The following CEP152 variants were observed in gnomAD, a reference collection of about 807,000 sequenced individuals.
The protein encoded by CEP152 is centrosomal protein 152, also known as centrosomal protein of 152 kDa.
In CEP152, 132 loss-of-function variants were observed where a neutral mutation model predicts 188.9. That is an observed-to-expected ratio of 0.70 (90% CI 0.61 to 0.81). The LOEUF is 0.81. Among genes scored for constraint, CEP152 ranks in the 30% least tolerant of loss-of-function variants. The pLI, the probability that CEP152 is intolerant of heterozygous loss-of-function variation, is 0.00. For missense variants in CEP152, 1,914 were observed against 1,969.8 expected, an observed-to-expected ratio of 0.97 and a Z score of 0.54; for synonymous variants, 649 against 666.6, an observed-to-expected ratio of 0.97 and a Z score of 0.41.
intron 20 of CEP152, among the ~76,000 whole-genome samples, chr15:48,755,546 C>T (rs560609799): frequency 1.5e-4 from 23 of 152,166 alleles, no homozygotes; most frequent in Admixed American, 9.8e-4. Flanking sequence ...ATGTGCTGAA[C>T]GTGAAGGTTT....
Position 48,738,062 on chromosome 15 carries a change from C to G in CEP152, c.*187G>C. 1 of 648,766 alleles carries G rather than the reference C, an allele frequency of 1.5e-6. No individual in the cohort carries two copies. The highest frequency in any genetic ancestry group is 2.5e-6 in the Non-Finnish European group (1 of 393,502). 40.2% of individuals were successfully genotyped at this position (648,766 alleles called of 1,614,324 possible). The stretch of plus-strand genomic sequence containing the variant: ...ACACAAAAGCAGATTATACATACAC[C>G]ATCAGGCCTTTGGAATATTAAGGCA... On this transcript the variant is annotated 3_prime_UTR_variant, in exon 27 of 27. Coordinates refer to ENST00000380950, the MANE Select transcript of CEP152 (RefSeq NM_001194998.2).
rs988458477 is a variant in CEP152, at chr15:48,768,253, C to G, written c.1984G>C (p.Asp662His). ...LCNQMRQMVQDFDHDKQEAVD... is the reference protein window; with the variant it reads ...LCNQMRQMVQHFDHDKQEAVD... ...GCTTCTTGTTTGTCATGGTCAAAATCTTGTACCATTTGTCTCATTTGATTA... is the reference window on the plus strand; with the variant it reads ...GCTTCTTGTTTGTCATGGTCAAAATGTTGTACCATTTGTCTCATTTGATTA... Residue 662 changes from aspartate to histidine, a missense_variant, in exon 15 of 27, where the codon GAT becomes CAT. Coordinates refer to ENST00000380950, the MANE Select transcript of CEP152 (RefSeq NM_001194998.2). The G allele has an allele frequency of 6.2e-7, 1 of 1,612,214 alleles. No individual in the cohort carries two copies. The highest frequency in any genetic ancestry group is 1.7e-5 in the Admixed American group (1 of 60,016).
chr15:48,798,072 C>T, intron 2 of CEP152, 21 bp from the exon 3 acceptor site: 1 of 1,592,192 alleles, frequency 6.3e-7, no homozygotes, highest in Non-Finnish European at 8.6e-7. Context: ...AGGTCTGCAT[C>T]AATATCATAC....
intron 2 of CEP152, among the ~76,000 whole-genome samples, chr15:48,730,020 A>T (rs1454093263): frequency 6.6e-6 from 1 of 152,074 alleles, no homozygotes; most frequent in Non-Finnish European, 1.5e-5. Context: ...AATTACTACA[A>T]AACTGAAAAA....
intron 9 of CEP152, among the ~76,000 whole-genome samples, chr15:48,784,785 T>C (rs942687185): frequency 1.3e-5 from 2 of 152,006 alleles, no homozygotes; most frequent in African/African-American, 4.8e-5. Flanking sequence ...CAAAGAAAAA[T>C]AGGGTAAATG....
chr15:48,809,177 T>C (rs1284632507), intron 1 of CEP152, among the ~76,000 whole-genome samples: 1 of 152,222 alleles, frequency 6.6e-6, no homozygotes, highest in African/African-American at 2.4e-5. Context: ...AGAATTAAAA[T>C]GTATCTGCCT....
chr15:48,807,482 G>A (rs1331281886), intron 1 of CEP152, among the ~76,000 whole-genome samples: 1 of 151,564 alleles, frequency 6.6e-6, no homozygotes, highest in Non-Finnish European at 1.5e-5. Flanking sequence ...GTGAACCCGG[G>A]AAGCGGAGCT....
At position 48,777,198 on chromosome 15, in the gene CEP152, T is replaced by C. The variant is rs150063395; in HGVS notation, c.1577+3998A>G. ...TAAATAAAAACCAAGGGCATGTAAA[T>C]AAACCCTGGATGTTAATTAATAATA... On this transcript the variant is annotated intron_variant, in intron 12 of 26. Coordinates refer to ENST00000380950, the MANE Select transcript of CEP152 (RefSeq NM_001194998.2). 3.3e-3 allele frequency among the ~76,000 whole-genome samples: 498 copies of C among 152,082 alleles called. 8 individuals are homozygous for C. The highest frequency in any genetic ancestry group is 0.03 in the Admixed American group (456 of 15,264).
Position 48,791,308 on chromosome 15 carries a change from C to G in CEP152, c.901G>C (p.Glu301Gln). The G allele has an allele frequency of 6.2e-7, 1 of 1,613,048 alleles. No homozygotes were observed. The highest frequency in any genetic ancestry group is 8.5e-7 in the Non-Finnish European group (1 of 1,179,756). The change falls in exon 8 of 27, where the codon GAG becomes CAG. Residue 301 changes from glutamate (E) to glutamine (Q), a missense_variant. Physicochemically the swap from Glu to Gln is conservative, Grantham distance 29 (BLOSUM62 2). Transcript: ENST00000380950. ...QKLFQNGKEREIQLEAQIKAL... is the reference protein window; with the variant it reads ...QKLFQNGKERQIQLEAQIKAL... ...TTTATTTGAGCTTCAAGCTGTATCTCTCTTTCTTTTCCATTCTGAAAGAGT... is the reference window on the plus strand; with the variant it reads ...TTTATTTGAGCTTCAAGCTGTATCTGTCTTTCTTTTCCATTCTGAAAGAGT...
At chr15:48,798,321 T>C (rs1897456053) in intron 2 of CEP152, among the ~76,000 whole-genome samples, 2 of 152,124 alleles carry the variant, frequency 1.3e-5, no homozygotes, top group Non-Finnish European at 2.9e-5. Context: ...ATTCAAAAAC[T>C]TTTTTATGGA....
chr15:48,753,011 G>C (rs1390165000), intron 20 of CEP152, among the ~76,000 whole-genome samples: 1 of 152,146 alleles, frequency 6.6e-6, no homozygotes, highest in African/African-American at 2.4e-5. Flanking sequence ...CCAAAGTTAA[G>C]GACAGAAACT....
Position 48,768,966 on chromosome 15 carries a change from T to G in CEP152, c.1898A>C (p.Gln633Pro). The change falls in exon 14 of 27, where the codon CAA becomes CCA. Residue 633 changes from glutamine (Q) to proline (P), a missense_variant. Transcript: ENST00000380950. ...AATATTTTTAATCACCTGATTTTGT[T>G]GTTGTAAAACTTGAATTTCATTTTT... Reference protein sequence around the residue: ...LLKNEIQVLQQQNQELKETEG... With the variant: ...LLKNEIQVLQPQNQELKETEG... 1 of 1,540,198 alleles carries G rather than the reference T, an allele frequency of 6.5e-7. No homozygotes were observed. The highest frequency in any genetic ancestry group is 8.9e-7 in the Non-Finnish European group (1 of 1,120,338).
At chr15:48,783,096 T>C (rs1405820993) in intron 10 of CEP152, 1 of 152,208 alleles carries the variant, frequency 6.6e-6, no homozygotes, top group East Asian at 1.9e-4. Context: ...AAGTGTGACT[T>C]TCATATATCA....
chr15:48,798,099 C>A (rs1426221217), intron 2 of CEP152, 48 bp from the exon 3 acceptor site: 7 of 1,495,452 alleles, frequency 4.7e-6, no homozygotes, highest in Non-Finnish European at 5.6e-6. Context: ...AAACACAAGA[C>A]ACCAAGCCAA....
chr15:48,738,403 G>A lies in CEP152; in HGVS notation c.4979C>T (p.Ser1660Phe). Residue 1660 changes from serine to phenylalanine, a missense_variant, in exon 27 of 27, where the codon TCT (serine) becomes TTT (phenylalanine). Physicochemically the swap from Ser to Phe is radical, Grantham distance 155. Transcript: ENST00000380950. Reference sequence around the variant, plus strand: ...CTTTAATCTATCAGCCTTATGACGAGATGGGTGTCCACAATTCACACTGAT... The same window carrying A: ...CTTTAATCTATCAGCCTTATGACGAAATGGGTGTCCACAATTCACACTGAT... ...GKISVNCGHP[S>F]RHKADRLKSD... 3.1e-6 allele frequency: 5 copies of A among 1,614,184 alleles called. No homozygotes were observed. The highest frequency in any genetic ancestry group is 4.2e-6 in the Non-Finnish European group (5 of 1,180,020).
chr15:48,738,094 A>G lies in CEP152; in HGVS notation c.*155T>C. The G allele has an allele frequency of 1.2e-6, 1 of 823,184 alleles. No individual in the cohort carries two copies. The highest frequency in any genetic ancestry group is 1.8e-6 in the Non-Finnish European group (1 of 544,902). 51.0% of individuals were successfully genotyped at this position (823,184 alleles called of 1,614,324 possible). A position where few individuals can be genotyped will look rare whatever the true frequency, so the allele number is the denominator to read the frequency against. ...CCTTTGGAATATTAAGGCAACATAA[A>G]TATCTCAAGCAATTTTAGAAGAATG... On this transcript the variant is annotated 3_prime_UTR_variant, in exon 27 of 27. Transcript: ENST00000380950.
Position 48,756,224 on chromosome 15 carries a change from T to C in CEP152, c.3024A>G (p.Leu1008=), listed in dbSNP as rs1319794674. 6 of 1,611,180 alleles carry C rather than the reference T, an allele frequency of 3.7e-6. No homozygotes were observed. Among genetic ancestry groups the C allele is most frequent in the South Asian group, 3.3e-5 (3 of 90,530 alleles). ...KEDFMKQKTE[L]LLQKETELQT... is the part of the protein sequence containing the mutation. The stretch of plus-strand genomic sequence containing the variant: ...GTAATTCTGTCTCCTTCTGAAGAAG[T>C]AGTTCAGTTTTTTGTTTCATAAAGT... Residue 1008 remains leucine (L), a synonymous_variant, in exon 20 of 27, where the codon CTA becomes CTG. Transcript: ENST00000380950.
At position 48,738,310 on chromosome 15, in the gene CEP152, A is replaced by C; in HGVS notation, c.5072T>G (p.Ile1691Ser). ...SVCQQPSRKL[I>S]VPLSSQQDSG... ...ATCTTGTTGGCTAGATAGCGGAACA[A>C]TTAATTTTCTTGAAGGCTGCTGACA... The change falls in exon 27 of 27, where the codon ATT becomes AGT. Residue 1691 changes from isoleucine to serine, a missense_variant. Transcript: ENST00000380950. 6.2e-7 allele frequency: 1 copy of C among 1,614,082 alleles called. No individual in the cohort carries two copies.
intron 6 of CEP152, among the ~76,000 whole-genome samples, 191 bp from the exon 7 acceptor site, chr15:48,793,652 T>C (rs1054667806): frequency 6.6e-6 from 1 of 152,222 alleles, no homozygotes; most frequent in African/African-American, 2.4e-5. Context: ...GAAACAGTCT[T>C]ATTTTGTGAA....
Sources: allele counts gnomAD v4.1 joint callset (sites outside exome capture counted in the v4.1 genomes callset), GRCh38; gene constraint gnomAD v4.1.1; transcripts MANE v1.5; gene names NCBI Gene and HGNC (gene_info 2026-07-23, HGNC 2026-07-21).